Variants in PPP1R26 observed in about 807,000 individuals in gnomAD.
PPP1R26 encodes the protein protein phosphatase 1 regulatory subunit 26, also known as 1A6/DRIM (down-regulated in metastasis) interacting protein.
PPP1R26 carries 22 observed loss-of-function variants against 67.6 expected under a neutral mutation model. The ratio of observed to expected loss-of-function variants is 0.33; its 90% CI spans 0.23 to 0.46. The LOEUF (loss-of-function observed/expected upper bound fraction) is 0.46, where lower values mean the gene tolerates loss of function less well. PPP1R26 is among the 20% of genes least tolerant of loss of function. The pLI, the probability that PPP1R26 is intolerant of heterozygous loss-of-function variation, is 1.00. For missense variants in PPP1R26, 1,602 were observed against 1,651.4 expected (o/e 0.97, Z 0.52); for synonymous variants, 729 against 717.2 (o/e 1.02, Z -0.26).
chr9:135,488,023 G>C lies in PPP1R26; in HGVS notation c.3513G>C (p.Arg1171Ser). The change falls in exon 4 of 4, where the codon AGG becomes AGC. Residue 1171 changes from arginine (R) to serine (S), a missense_variant. Physicochemically the swap from Arg to Ser is moderately radical, Grantham distance 110. This residue lies in a region of PPP1R26 where 740 missense variants were observed against 696.3 expected (regional missense o/e 1.06). Transcript: ENST00000356818. ...SGSEESILDL[R>S]YRRRVNRDDQ... ...CGGAGGAAAGCATTTTAGACCTGAG[G>C]TATCGACGAAGGGTCAACAGGGATG... The C allele has an allele frequency of 6.2e-7, 1 of 1,611,654 alleles. No individual in the cohort carries two copies. The highest frequency in any genetic ancestry group is 1.3e-5 in the African/African-American group (1 of 74,954).
Position 135,486,634 on chromosome 9 carries a change from G to T in PPP1R26, c.2124G>T (p.Lys708Asn). Residue 708 changes from lysine to asparagine, a missense_variant, in exon 4 of 4, where the codon AAG (lysine) becomes AAT (asparagine). By Grantham distance (94) the Lys-to-Asn change is moderately conservative. This residue lies in a region of PPP1R26 where 740 missense variants were observed against 696.3 expected (regional missense o/e 1.06). Transcript: ENST00000356818. The surrounding 1 kb of genome is among the most constrained non-coding windows in gnomAD (Gnocchi z 6.2). ...KDLLRSKRKLKKRCREPRAAC... is the reference protein window; with the variant it reads ...KDLLRSKRKLNKRCREPRAAC... ...TGTTAAGGTCCAAGCGAAAGCTCAA[G>T]AAGAGGTGCAGGGAGCCCAGGGCTG... 1.2e-6 allele frequency: 2 copies of T among 1,612,358 alleles called. No individual in the cohort carries two copies. Among genetic ancestry groups the T allele is most frequent in the Non-Finnish European group, 1.7e-6 (2 of 1,179,870 alleles).
chr9:135,484,836 G>A lies in PPP1R26; in HGVS notation c.326G>A (p.Gly109Glu), dbSNP rs913202599. The A allele has an allele frequency of 2.5e-6, 4 of 1,610,398 alleles. No homozygotes were observed. Among genetic ancestry groups the A allele is most frequent in the Non-Finnish European group, 3.4e-6 (4 of 1,179,526 alleles). Residue 109 changes from glycine to glutamate, a missense_variant, in exon 4 of 4, where the codon GGG becomes GAG. Gly to Glu is a moderately conservative substitution (Grantham distance 98). This residue lies in a region of PPP1R26 where 168 missense variants were observed against 176.1 expected (regional missense o/e 0.95). Coordinates refer to ENST00000356818, the MANE Select transcript of PPP1R26 (RefSeq NM_014811.5). ...CTCGTTGCTGACTTTGACCCCATGG[G>A]GGAGGAGGAAACTACAGACTTTGGC... Reference protein sequence around the residue: ...CGLVADFDPMGEEETTDFGPL... With the variant: ...CGLVADFDPMEEEETTDFGPL...
rs2119302243 is a variant in PPP1R26, at chr9:135,486,474, G to T, written c.1964G>T (p.Gly655Val). The change falls in exon 4 of 4, where the codon GGC becomes GTC. Residue 655 changes from glycine to valine, a missense_variant. By Grantham distance (109) the Gly-to-Val change is moderately radical. Around this residue, in one of 5 missense-constraint regions of PPP1R26, gnomAD observed 680 missense variants for 726.1 expected, o/e 0.94. Transcript: ENST00000356818. This position sits in a 1 kb window ranked among gnomAD's most constrained non-coding sequence, Gnocchi z 6.2. ...EALGGEGTAR[G>V]PGDTRMSQGQ... ...CTGGGAGGGGAGGGCACCGCCAGGG[G>T]CCCTGGCGACACTCGCATGTCACAG... is the stretch of plus-strand genomic sequence containing the variant. The T allele has an allele frequency of 1.9e-6, 3 of 1,613,042 alleles. No homozygotes were observed. The highest frequency in any genetic ancestry group is 2.5e-6 in the Non-Finnish European group (3 of 1,179,900).
At chr9:135,483,676 A>G (rs1420879268) in intron 2 of PPP1R26, 1 of 259,558 alleles carries the variant, frequency 3.9e-6, no homozygotes, top group Non-Finnish European at 7.2e-6. Flanking sequence ...ATTCGTGAGC[A>G]GGTCTTCAAA....
chr9:135,485,962 A>G lies in PPP1R26; in HGVS notation c.1452A>G (p.Ala484=), dbSNP rs1588350482. 1 of 1,613,398 alleles carries G rather than the reference A, an allele frequency of 6.2e-7. No homozygotes were observed. Among genetic ancestry groups the G allele is most frequent in the Non-Finnish European group, 8.5e-7 (1 of 1,180,046 alleles). ...RADTSAELMC[A]EAILDISKTI... ...ACACATCTGCTGAGCTGATGTGTGC[A>G]GAAGCAATCCTGGACATCTCCAAGA... is the stretch of plus-strand genomic sequence containing the variant. The change falls in exon 4 of 4, where the codon GCA becomes GCG. Residue 484 remains alanine, a synonymous_variant. Coordinates refer to ENST00000356818, the MANE Select transcript of PPP1R26 (RefSeq NM_014811.5). The surrounding 1 kb of genome is among the most constrained non-coding windows in gnomAD (Gnocchi z 7.2).
At chr9:135,479,766 C>CCCCCGCCCCCCG, upstream of PPP1R26, 1 of 144,538 alleles carries the variant, frequency 6.9e-6, no homozygotes, top group South Asian at 2.2e-4. The surrounding 1 kb of genome is among the most constrained non-coding windows in gnomAD (Gnocchi z 5.9). Flanking sequence ...GTCGCCCCGC[C>CCCCCGCCCCCCG]CCCCGCCCCG....
At position 135,487,935 on chromosome 9, in the gene PPP1R26, G is replaced by A; in HGVS notation, c.3425G>A (p.Gly1142Asp). ...SPHLLAKKDG[G>D]PWPTRKAQAG... Reference sequence around the variant, plus strand: ...CACTTGCTGGCAAAGAAGGACGGCGGCCCCTGGCCAACCAGGAAGGCACAG... The same window carrying A: ...CACTTGCTGGCAAAGAAGGACGGCGACCCCTGGCCAACCAGGAAGGCACAG... Residue 1142 changes from glycine (G) to aspartate (D), a missense_variant, in exon 4 of 4, where the codon GGC becomes GAC. Gly to Asp is a moderately conservative substitution (Grantham distance 94). Around this residue, in one of 5 missense-constraint regions of PPP1R26, gnomAD observed 740 missense variants for 696.3 expected, o/e 1.06. Coordinates refer to ENST00000356818, the MANE Select transcript of PPP1R26 (RefSeq NM_014811.5). The A allele has an allele frequency of 6.3e-7, 1 of 1,585,058 alleles. No individual in the cohort carries two copies. The highest frequency in any genetic ancestry group is 1.1e-5 in the South Asian group (1 of 87,072).
chr9:135,488,097 C>T lies in PPP1R26; in HGVS notation c.3587C>T (p.Thr1196Ile), dbSNP rs1199280012. The change falls in exon 4 of 4, where the codon ACC (threonine) becomes ATC (isoleucine). Residue 1196 changes from threonine to isoleucine, a missense_variant. This residue lies in a region of PPP1R26 where 740 missense variants were observed against 696.3 expected (regional missense o/e 1.06). Transcript: ENST00000356818. ...AGTGACGCCAGTGACTTCAGCGACA[C>T]CTCCACGGAGGACAGTGGCGGCAGC... ...LGSDASDFSD[T>I]STEDSGGSSV... 3 of 1,554,822 alleles carry T rather than the reference C, an allele frequency of 1.9e-6. No individual in the cohort carries two copies. In the South Asian group the frequency reaches 3.7e-5, roughly 19 times the overall value.
intron 1 of PPP1R26, among the ~76,000 whole-genome samples, chr9:135,481,242 T>G (rs1830509592): frequency 6.7e-6 from 1 of 149,690 alleles, no homozygotes. Flanking sequence ...TCTTGTTTTT[T>G]TTTTTTTTTT....
chr9:135,484,680 A>T lies in PPP1R26; in HGVS notation c.170A>T (p.Asp57Val). Residue 57 changes from aspartate to valine, a missense_variant, in exon 4 of 4, where the codon GAC becomes GTC. Coordinates refer to ENST00000356818, the MANE Select transcript of PPP1R26 (RefSeq NM_014811.5). The stretch of plus-strand genomic sequence containing the variant: ...ATGCTTATCAGCACTCTGCAGCGCG[A>T]CGGGGCTGCTCGGGGCACCAGCGAT... The part of the protein sequence containing the change: ...VQMLISTLQR[D>V]GAARGTSDER... 6.2e-7 allele frequency: 1 copy of T among 1,610,494 alleles called. No individual in the cohort carries two copies. Among genetic ancestry groups the T allele is most frequent in the Non-Finnish European group, 8.5e-7 (1 of 1,179,706 alleles).
Position 135,487,901 on chromosome 9 carries a change from G to A in PPP1R26, c.3391G>A (p.Gly1131Arg). 1 of 1,576,320 alleles carries A rather than the reference G, an allele frequency of 6.3e-7. No individual in the cohort carries two copies. The highest frequency in any genetic ancestry group is 8.6e-7 in the Non-Finnish European group (1 of 1,162,532). The change falls in exon 4 of 4, where the codon GGA (glycine) becomes AGA (arginine). Residue 1131 changes from glycine to arginine, a missense_variant. This residue lies in a region of PPP1R26 where 740 missense variants were observed against 696.3 expected (regional missense o/e 1.06). Transcript: ENST00000356818. The stretch of plus-strand genomic sequence containing the variant: ...CCAGGCCGGACCCAGCCCTGTCTTT[G>A]GAAGCCCACACTTGCTGGCAAAGAA... ...EAQAGPSPVFGSPHLLAKKDG... is the reference protein window; with the variant it reads ...EAQAGPSPVFRSPHLLAKKDG...
In PPP1R26 at chr9:135,487,356, A is replaced by T; in HGVS notation, c.2846A>T (p.Lys949Met). The T allele has an allele frequency of 6.4e-7, 1 of 1,556,084 alleles. No homozygotes were observed. Among genetic ancestry groups the T allele is most frequent in the Non-Finnish European group, 8.7e-7 (1 of 1,152,400 alleles). The change falls in exon 4 of 4, where the codon AAG (lysine) becomes ATG (methionine). Residue 949 changes from lysine (K) to methionine (M), a missense_variant. Physicochemically the swap from Lys to Met is moderately conservative, Grantham distance 95. Transcript: ENST00000356818. ...AGCACCAGCGGCGGTGTCTCCGCCA[A>T]GGGGCTCTCAGTGAGCAGGAGAAAT... is the stretch of plus-strand genomic sequence containing the variant. ...PRSTSGGVSA[K>M]GLSVSRRNVY...
chr9:135,484,099 C>T lies in PPP1R26; in HGVS notation c.-63+17C>T, dbSNP rs1830615899. The T allele has an allele frequency of 2.4e-6, 1 of 410,314 alleles. No individual in the cohort carries two copies. The highest frequency in any genetic ancestry group is 4.3e-6 in the Non-Finnish European group (1 of 232,738). 25.4% of individuals were successfully genotyped at this position (410,314 alleles called of 1,614,324 possible). Reference sequence around the variant, plus strand: ...ACTTTGGAGGTAAATAAAACCTCTCCCCTCTTACAGAGAAGGTGGAAGCCC... The same window carrying T: ...ACTTTGGAGGTAAATAAAACCTCTCTCCTCTTACAGAGAAGGTGGAAGCCC... On this transcript the variant is annotated intron_variant, in intron 3 of 3. Transcript: ENST00000356818.
Position 135,488,146 on chromosome 9 carries a change from C to A in PPP1R26, c.*6C>A. 2 of 1,498,384 alleles carry A rather than the reference C, an allele frequency of 1.3e-6. No individual in the cohort carries two copies. The highest frequency in any genetic ancestry group is 1.8e-6 in the Non-Finnish European group (2 of 1,124,900). The allele number at this position is 1,498,384 out of a possible 1,614,324, so 92.8% of individuals were successfully genotyped here. On this transcript the variant is annotated 3_prime_UTR_variant, in exon 4 of 4. Coordinates refer to ENST00000356818, the MANE Select transcript of PPP1R26 (RefSeq NM_014811.5). ...GCTCAGTAGTGAAGGTCTAAGCCCT[C>A]GAGCTGTGGGTTCGCGTCCTGGGTT...
Position 135,488,402 on chromosome 9 carries a change from C to G in PPP1R26, c.*262C>G, listed in dbSNP as rs1274315977. 1 of 459,424 alleles carries G rather than the reference C, an allele frequency of 2.2e-6. No homozygotes were observed. Among genetic ancestry groups the G allele is most frequent in the Non-Finnish European group, 3.4e-6 (1 of 297,106 alleles). The allele number at this position is 459,424 out of a possible 1,614,324, so 28.5% of individuals were successfully genotyped here. ...CTGTTGTTCAATTTTGTAGGGTGTT[C>G]CTAACTGCAGTTTTCTGTGTTCTGC... On this transcript the variant is annotated 3_prime_UTR_variant, in exon 4 of 4. Coordinates refer to ENST00000356818, the MANE Select transcript of PPP1R26 (RefSeq NM_014811.5).
Position 135,485,933 on chromosome 9 carries a change from G to A in PPP1R26, c.1423G>A (p.Ala475Thr). 6.2e-7 allele frequency: 1 copy of A among 1,613,486 alleles called. No homozygotes were observed. Among genetic ancestry groups the A allele is most frequent in the South Asian group, 1.1e-5 (1 of 91,084 alleles). Residue 475 changes from alanine to threonine, a missense_variant, in exon 4 of 4, where the codon GCG becomes ACG. Physicochemically the swap from Ala to Thr is moderately conservative, Grantham distance 58 (BLOSUM62 0). Coordinates refer to ENST00000356818, the MANE Select transcript of PPP1R26 (RefSeq NM_014811.5). The surrounding 1 kb of genome is among the most constrained non-coding windows in gnomAD (Gnocchi z 7.2). ...GTTTGTGGAACGGTCCTCGTGCCGGGCGGACACATCTGCTGAGCTGATGTG... is the reference window on the plus strand; with the variant it reads ...GTTTGTGGAACGGTCCTCGTGCCGGACGGACACATCTGCTGAGCTGATGTG... The part of the protein sequence containing the change: ...SEFVERSSCR[A>T]DTSAELMCAE...
chr9:135,484,803 T>C lies in PPP1R26; in HGVS notation c.293T>C (p.Val98Ala), dbSNP rs3748192. Residue 98 changes from valine to alanine, a missense_variant, in exon 4 of 4, where the codon GTC (valine) becomes GCC (alanine). By Grantham distance (64) the Val-to-Ala change is moderately conservative. This residue lies in a region of PPP1R26 where 168 missense variants were observed against 176.1 expected (regional missense o/e 0.95). Coordinates refer to ENST00000356818, the MANE Select transcript of PPP1R26 (RefSeq NM_014811.5). ...CACAAGGAGCCACCCGCGTTGGCTG[T>C]CTGTGGTCTCGTTGCTGACTTTGAC... The part of the protein sequence containing the change: ...TVHKEPPALA[V>A]CGLVADFDPM... 405,947 of 1,610,630 alleles carry C rather than the reference T, an allele frequency of 0.25. 62,014 individuals are homozygous for C. Among genetic ancestry groups the C allele is most frequent in the East Asian group, 0.67 (29,976 of 44,830 alleles).
chr9:135,479,478 C>T (rs1043026461), upstream of PPP1R26, among the ~76,000 whole-genome samples: 3 of 150,260 alleles, frequency 2.0e-5, no homozygotes, highest in Non-Finnish European at 4.5e-5. This position sits in a 1 kb window ranked among gnomAD's most constrained non-coding sequence, Gnocchi z 5.9. Flanking sequence ...GTACGGGAGG[C>T]GGGCAGCACG....
chr9:135,487,373 A>C lies in PPP1R26; in HGVS notation c.2863A>C (p.Arg955=). ...GVSAKGLSVS[R]RNVYVHKDQS... is the part of the protein sequence containing the mutation. ...CTCCGCCAAGGGGCTCTCAGTGAGC[A>C]GGAGAAATGTTTACGTTCACAAAGA... is the stretch of plus-strand genomic sequence containing the variant. Residue 955 remains arginine, a synonymous_variant, in exon 4 of 4, where the codon AGG becomes CGG. Coordinates refer to ENST00000356818, the MANE Select transcript of PPP1R26 (RefSeq NM_014811.5). The C allele has an allele frequency of 6.4e-7, 1 of 1,561,904 alleles. No individual in the cohort carries two copies. Among genetic ancestry groups the C allele is most frequent in the South Asian group, 1.2e-5 (1 of 83,928 alleles).
Sources: gnomAD v4.1 joint callset for allele counts (sites outside exome capture counted in the v4.1 genomes callset) on GRCh38, gnomAD v4.1.1 for gene constraint, gnomAD v4.1.1 regional missense constraint, Gnocchi (gnomAD v3.1) non-coding constraint, MANE v1.5 for transcripts, NCBI Gene and HGNC (gene_info 2026-07-23, HGNC 2026-07-21) for gene names.